Variants in ASH2L observed in about 807,000 individuals in gnomAD.
ASH2L encodes the protein ASH2 like, histone lysine methyltransferase complex subunit.
A neutral mutation model predicts 81.1 loss-of-function variants in ASH2L; 30 were observed. That is an observed-to-expected ratio of 0.37 (90% CI 0.28 to 0.50). The LOEUF (loss-of-function observed/expected upper bound fraction) is 0.50, where lower values mean the gene tolerates loss of function less well. Among genes scored for constraint, ASH2L ranks in the 20% least tolerant of loss-of-function variants. The pLI is 0.95. For missense variants in ASH2L, 559 were observed against 792.1 expected, an observed-to-expected ratio of 0.71 and a Z score of 3.53; for synonymous variants, 273 against 279.9, an observed-to-expected ratio of 0.98 and a Z score of 0.24.
intron 7 of ASH2L, among the ~76,000 whole-genome samples, chr8:38,116,429 A>G (rs556056558): frequency 3.3e-4 from 50 of 152,200 alleles, no homozygotes; most frequent in African/African-American, 1.1e-3. Flanking sequence ...GCTACTCGGG[A>G]GGGTAAACCA....
chr8:38,114,894 C>G lies in ASH2L; in HGVS notation c.682-11C>G. On this transcript the variant is annotated splice_polypyrimidine_tract_variant and intron_variant, in intron 6 of 15. Coordinates refer to ENST00000343823, the MANE Select transcript of ASH2L (RefSeq NM_004674.5). ...AATGTTCATTAATAGTAAAACACTACTTCTTTTTAGAGTAAAGAAAGAGAT... is the reference window on the plus strand; with the variant it reads ...AATGTTCATTAATAGTAAAACACTAGTTCTTTTTAGAGTAAAGAAAGAGAT... The G allele has an allele frequency of 6.5e-7, 1 of 1,542,606 alleles. No individual in the cohort carries two copies. The highest frequency in any genetic ancestry group is 9.0e-7 in the Non-Finnish European group (1 of 1,116,244).
chr8:38,111,063 T>C (rs1810660378), intron 5 of ASH2L, among the ~76,000 whole-genome samples: 1 of 152,174 alleles, frequency 6.6e-6, no homozygotes, highest in Admixed American at 6.6e-5. Context: ...GCTTCCCGAG[T>C]AGCTGGGATT....
chr8:38,129,044 C>A, intron 12 of ASH2L, 93 bp downstream of exon 12: 1 of 1,494,506 alleles, frequency 6.7e-7, no homozygotes, highest in South Asian at 1.4e-5. Context: ...AGGAACTGAG[C>A]CACAGCTCAC....
At position 38,106,046 on chromosome 8, in the gene ASH2L, G is replaced by T. The variant is rs973599314; in HGVS notation, c.188+308G>T. 9.2e-6 allele frequency: 14 copies of T among 1,526,434 alleles called. No individual in the cohort carries two copies. In the African/African-American group the frequency reaches 1.6e-4, roughly 18 times the overall value. The allele number at this position is 1,526,434 out of a possible 1,614,324, so 94.6% of individuals were successfully genotyped here. The stretch of plus-strand genomic sequence containing the variant: ...CATATTCCAGAAAAGAAACCACTTT[G>T]CAGTGCCAGACTGGAAGAAGTAACG... On this transcript the variant is annotated intron_variant, in intron 1 of 15. Transcript: ENST00000343823.
At chr8:38,116,547 T>C in intron 7 of ASH2L, 103 bp from the exon 8 acceptor site, 1 of 905,828 alleles carries the variant, frequency 1.1e-6, no homozygotes, top group Non-Finnish European at 1.7e-6. Context: ...AAAAAAGAAT[T>C]GTCAATTTTA....
At chr8:38,136,102 ATTTTTTTTTTTT>A (rs772313591) in intron 14 of ASH2L, among the ~76,000 whole-genome samples, 2 of 97,862 alleles carry the variant, frequency 2.0e-5, no homozygotes, top group Non-Finnish European at 4.1e-5. Context: ...GCTTACAATG[ATTTTTTTTTTTT>A]TTTTTTTTTT....
chr8:38,122,987 C>T (rs1005741627), intron 10 of ASH2L, among the ~76,000 whole-genome samples: 3 of 151,832 alleles, frequency 2.0e-5, no homozygotes, highest in African/African-American at 7.3e-5. Flanking sequence ...GGGCTCAAGC[C>T]GTCATCCTGC....
chr8:38,125,123 C>T (rs1335894183), intron 10 of ASH2L, among the ~76,000 whole-genome samples: 1 of 152,164 alleles, frequency 6.6e-6, no homozygotes, highest in Non-Finnish European at 1.5e-5. Flanking sequence ...CAGACCACAC[C>T]TCCAACATTG....
chr8:38,128,068 G>T (rs568415389), intron 10 of ASH2L, among the ~76,000 whole-genome samples: 11 of 151,940 alleles, frequency 7.2e-5, no homozygotes, highest in Non-Finnish European at 1.6e-4. Context: ...ATAATCACAT[G>T]TAATAAAAAC....
At chr8:38,137,848 T>G (rs187739182) in intron 14 of ASH2L, 2 of 151,524 alleles carry the variant, frequency 1.3e-5, no homozygotes. Flanking sequence ...CAAAACTATC[T>G]GAGACAGATC....
intron 12 of ASH2L, among the ~76,000 whole-genome samples, chr8:38,131,444 G>C (rs552719350): frequency 2.0e-4 from 31 of 151,966 alleles, no homozygotes; most frequent in Non-Finnish European, 4.0e-4. Context: ...AGGAGCTCGA[G>C]GCCAGCCTGG....
At chr8:38,136,966 G>C (rs971667654) in intron 14 of ASH2L, among the ~76,000 whole-genome samples, 18 of 151,770 alleles carry the variant, frequency 1.2e-4, no homozygotes, top group Non-Finnish European at 2.2e-4. Context: ...ATGGCCACGC[G>C]CCTATAATCC....
At position 38,128,481 on chromosome 8, in the gene ASH2L, A is replaced by G. The variant is rs74701966; in HGVS notation, c.1333+23A>G. The G allele has an allele frequency of 2.1e-3, 3,394 of 1,611,254 alleles. 81 individuals are homozygous for G. In the African/African-American group the frequency reaches 0.041, roughly 19 times the overall value. On this transcript the variant is annotated intron_variant, in intron 11 of 15. Coordinates refer to ENST00000343823, the MANE Select transcript of ASH2L (RefSeq NM_004674.5). ...TAGGTAAGCTGGGGCCTTAATATGG[A>G]CATCACAGCAGATAGAGAGGATAGA...
At chr8:38,112,741 A>G (rs1810739226) in intron 5 of ASH2L, among the ~76,000 whole-genome samples, 1 of 152,156 alleles carries the variant, frequency 6.6e-6, no homozygotes, top group African/African-American at 2.4e-5. Flanking sequence ...CCATACATGG[A>G]GATTATGTGA....
At chr8:38,112,636 A>G (rs1810735535) in intron 5 of ASH2L, among the ~76,000 whole-genome samples, 1 of 152,198 alleles carries the variant, frequency 6.6e-6, no homozygotes, top group Non-Finnish European at 1.5e-5. Flanking sequence ...CAGGAGGTAT[A>G]TAAGATATTG....
intron 12 of ASH2L, 145 bp from the exon 13 acceptor site, chr8:38,133,309 A>C (rs1802132739): frequency 1.6e-6 from 1 of 644,810 alleles, no homozygotes; most frequent in South Asian, 1.7e-5. Flanking sequence ...GTAATAGTTC[A>C]AAATCTAGCA....
chr8:38,122,043 T>C (rs1801651200), intron 10 of ASH2L, among the ~76,000 whole-genome samples: 1 of 152,220 alleles, frequency 6.6e-6, no homozygotes, highest in Non-Finnish European at 1.5e-5. Context: ...TGTATGATGA[T>C]TTTCGATTTC....
chr8:38,111,469 A>T lies in ASH2L; in HGVS notation c.585+636A>T, dbSNP rs991350916. ...GTGACACCATCACGGCTCACCGAAG[A>T]CTTGACCTCCTGGGCTCAGGTGATC... On this transcript the variant is annotated intron_variant, in intron 5 of 15. Transcript: ENST00000343823. Among the ~76,000 whole-genome samples, 3 of 151,890 alleles carry T rather than the reference A, an allele frequency of 2.0e-5. No individual in the cohort carries two copies. The East Asian group carries it at 5.8e-4, about 29-fold the overall frequency.
At chr8:38,128,670 C>T in intron 11 of ASH2L, 88 bp from the exon 12 acceptor site, 2 of 1,543,662 alleles carry the variant, frequency 1.3e-6, no homozygotes, top group Non-Finnish European at 1.7e-6. Context: ...GACCAAAAAA[C>T]ATAAAAAGAA....
Sources: gnomAD v4.1 joint callset for allele counts (sites outside exome capture counted in the v4.1 genomes callset) on GRCh38, gnomAD v4.1.1 for gene constraint, MANE v1.5 for transcripts, NCBI Gene and HGNC (gene_info 2026-07-23, HGNC 2026-07-21) for gene names.